DMTN: variants seen among roughly 807,000 people sequenced by gnomAD.
DMTN encodes dematin.
A neutral mutation model predicts 59.4 loss-of-function variants in DMTN; 27 were observed. The ratio of observed to expected loss-of-function variants is 0.45; its 90% CI spans 0.33 to 0.63. The LOEUF (loss-of-function observed/expected upper bound fraction) is 0.63, where lower values mean the gene tolerates loss of function less well. Ranked by LOEUF, DMTN falls within the 20% of genes least tolerant of loss-of-function variation. The pLI is 0.02. For missense variants in DMTN, 451 were observed against 528.9 expected, an observed-to-expected ratio of 0.85 and a Z score of 1.45; for synonymous variants, 221 against 203.7, an observed-to-expected ratio of 1.08 and a Z score of -0.72.
intron 1 of DMTN, among the ~76,000 whole-genome samples, chr8:22,064,747 C>T (rs527407555): frequency 3.3e-5 from 5 of 152,296 alleles, no homozygotes; most frequent in African/African-American, 9.6e-5. Context: ...TGTGAGCCAC[C>T]GCGCCCGGCC....
At position 22,058,377 on chromosome 8, in the gene DMTN, C is replaced by T. The variant is rs563744434; in HGVS notation, c.-172+1241C>T. 4.6e-5 allele frequency among the ~76,000 whole-genome samples: 7 copies of T among 152,216 alleles called. No homozygotes were observed. Among genetic ancestry groups the T allele is most frequent in the South Asian group, 4.1e-4 (2 of 4,828 alleles). ...TGAATTGAGGCTGCATCTCCCCCAG[C>T]TCTGCCAGTCCCACTTGTACAACAG... On this transcript the variant is annotated intron_variant, in intron 1 of 15. Coordinates refer to ENST00000358242, the MANE Select transcript of DMTN (RefSeq NM_001387751.1). This position sits in a 1 kb window ranked among gnomAD's most constrained non-coding sequence, Gnocchi z 4.3.
At chr8:22,065,988 C>G (rs1197691580) in intron 1 of DMTN, among the ~76,000 whole-genome samples, 1 of 151,740 alleles carries the variant, frequency 6.6e-6, no homozygotes, top group East Asian at 2.0e-4. Context: ...CTACAGGCAT[C>G]CAGCACCACG....
intron 9 of DMTN, 75 bp downstream of exon 9, chr8:22,072,525 C>T (rs1816418497): frequency 9.0e-6 from 13 of 1,445,580 alleles, no homozygotes; most frequent in Non-Finnish European, 1.2e-5. Context: ...CATGCAGTGG[C>T]ATGATCTCAG....
intron 4 of DMTN, among the ~76,000 whole-genome samples, chr8:22,068,725 A>C (rs1393976796): frequency 6.6e-6 from 1 of 151,676 alleles, no homozygotes; most frequent in Non-Finnish European, 1.5e-5. Context: ...TGAGAGCGGG[A>C]GAGAGGAGAA....
intron 10 of DMTN, 120 bp from the exon 11 acceptor site, chr8:22,080,060 T>TCC (rs1823110462): frequency 1.8e-6 from 2 of 1,113,044 alleles, no homozygotes; most frequent in Admixed American, 1.9e-5. Context: ...CCCACCAGGT[T>TCC]CCCCCCAGCG....
At chr8:22,050,452 C>T (rs767011730), upstream of DMTN, among the ~76,000 whole-genome samples, 5 of 152,260 alleles carry the variant, frequency 3.3e-5, no homozygotes, top group South Asian at 1.0e-3. Flanking sequence ...CTCCCTCGCT[C>T]GGGTTAGAGA....
intron 6 of DMTN, 24 bp from the exon 7 acceptor site, chr8:22,069,857 C>T (rs1265856741): frequency 6.2e-7 from 1 of 1,613,492 alleles, no homozygotes; most frequent in South Asian, 1.1e-5. Context: ...ATGTCCTCCT[C>T]CTCATCTGTT....
Position 22,067,105 on chromosome 8 carries a change from G to C in DMTN, c.39G>C (p.Gly13=). ...CCCAGCAACCACTTACCTCCCCCGG[G>C]AGCGTGAGCCCCTCCCGAGATTCCA... ...RLQKQPLTSP[G]SVSPSRDSSV... Residue 13 remains glycine, a synonymous_variant, in exon 3 of 16, where the codon GGG becomes GGC. Coordinates refer to ENST00000358242, the MANE Select transcript of DMTN (RefSeq NM_001387751.1). 1 of 1,606,004 alleles carries C rather than the reference G, an allele frequency of 6.2e-7. No homozygotes were observed.
chr8:22,069,586 C>G, intron 6 of DMTN, 68 bp downstream of exon 6: 2 of 1,330,808 alleles, frequency 1.5e-6, no homozygotes, highest in Non-Finnish European at 2.1e-6. Flanking sequence ...AATCCCCTTA[C>G]GCTCAGTCCC....
At chr8:22,076,294 G>A (rs1401455119) in intron 10 of DMTN, among the ~76,000 whole-genome samples, 1 of 151,884 alleles carries the variant, frequency 6.6e-6, no homozygotes, top group Non-Finnish European at 1.5e-5. Flanking sequence ...TACAGAGAGA[G>A]GAGGGAAGGG....
chr8:22,062,363 G>A (rs1807201255), intron 1 of DMTN, among the ~76,000 whole-genome samples: 1 of 152,176 alleles, frequency 6.6e-6, no homozygotes, highest in Admixed American at 6.5e-5. Context: ...GTCCCAAAGT[G>A]TTGGGGTTAT....
intron 10 of DMTN, among the ~76,000 whole-genome samples, chr8:22,079,303 A>AAATATATATATATATATAG (rs67715172): frequency 1.9e-5 from 1 of 52,220 alleles, no homozygotes; most frequent in Non-Finnish European, 3.9e-5. Flanking sequence ...TATATATATT[A>AAATATATATATATATATAG]GCTGGGTTTG....
chr8:22,073,853 G>T lies in DMTN; in HGVS notation c.835+18G>T, dbSNP rs1365352600. Reference sequence around the variant, plus strand: ...CCATACCTGTGAGTGCTGTGGAGGGGGCTCAGAGTCACCTGGCCAGAGATG... The same window carrying T: ...CCATACCTGTGAGTGCTGTGGAGGGTGCTCAGAGTCACCTGGCCAGAGATG... On this transcript the variant is annotated intron_variant, in intron 10 of 15. Transcript: ENST00000358242. 6 of 1,608,156 alleles carry T rather than the reference G, an allele frequency of 3.7e-6. No individual in the cohort carries two copies. Among genetic ancestry groups the T allele is most frequent in the Admixed American group, 1.7e-5 (1 of 59,940 alleles).
In DMTN at chr8:22,066,730, A is replaced by T; in HGVS notation, c.-146A>T. On this transcript the variant is annotated 5_prime_UTR_variant, in exon 2 of 16. Coordinates refer to ENST00000358242, the MANE Select transcript of DMTN (RefSeq NM_001387751.1). ...CCTGGAGAGTCACCGCCGAGGGATG[A>T]GGACGCGCCAGCCCGGGGGAACGCG... 3 of 847,944 alleles carry T rather than the reference A, an allele frequency of 3.5e-6. No homozygotes were observed. Among genetic ancestry groups the T allele is most frequent in the Non-Finnish European group, 4.7e-6 (3 of 635,208 alleles). 52.5% of individuals were successfully genotyped at this position (847,944 alleles called of 1,614,324 possible).
upstream of DMTN, chr8:22,049,178 C>T (rs1271739755): frequency 6.7e-6 from 1 of 149,250 alleles, no homozygotes. Flanking sequence ...CCGGGCGGCC[C>T]GCGGACGCCA....
intron 4 of DMTN, among the ~76,000 whole-genome samples, chr8:22,068,476 G>T (rs1202238930): frequency 6.6e-6 from 1 of 152,202 alleles, no homozygotes; most frequent in Non-Finnish European, 1.5e-5. Context: ...GCTGAGGTGG[G>T]AGAATCCCTT....
chr8:22,073,465 A>T (rs577117640), intron 9 of DMTN, among the ~76,000 whole-genome samples: 33 of 143,154 alleles, frequency 2.3e-4, no homozygotes, highest in African/African-American at 8.5e-4. Context: ...ATCTGTATAT[A>T]AAAAAAAAAC....
At chr8:22,074,914 C>T (rs1472201673) in intron 10 of DMTN, among the ~76,000 whole-genome samples, 1 of 152,108 alleles carries the variant, frequency 6.6e-6, no homozygotes, top group Non-Finnish European at 1.5e-5. Flanking sequence ...GGGGTCCCGG[C>T]ATGGTGGCTC....
At chr8:22,071,189 C>T (rs995828069) in intron 8 of DMTN, among the ~76,000 whole-genome samples, 9 of 152,148 alleles carry the variant, frequency 5.9e-5, no homozygotes, top group South Asian at 4.2e-4. Context: ...CGCCACATCC[C>T]GAGTTCAAGC....
Sources: gnomAD v4.1 joint callset for allele counts (sites outside exome capture counted in the v4.1 genomes callset) on GRCh38, gnomAD v4.1.1 for gene constraint, Gnocchi (gnomAD v3.1) non-coding constraint, MANE v1.5 for transcripts, NCBI Gene and HGNC (gene_info 2026-07-23, HGNC 2026-07-21) for gene names.